The following DMD variants were observed in gnomAD, a reference collection of about 807,000 sequenced individuals.
DMD encodes dystrophin, also known as mutant dystrophin.
Under a neutral mutation model 330.1 loss-of-function variants are expected in DMD, and 63 were observed. The observed-to-expected ratio is 0.19, with a 90% CI of 0.16 to 0.24. DMD has a LOEUF of 0.24. DMD is among the 10% of genes least tolerant of loss of function. The pLI, the probability that DMD is intolerant of heterozygous loss-of-function variation, is 1.00. For synonymous variants in DMD, 1,223 were observed against 959.8 expected (o/e 1.27, Z -5.07); for missense variants, 3,344 against 2,684.1 (o/e 1.25, Z -5.43).
chrX:32,364,994 T>C (rs375483308), intron 35 of DMD, 26 bp downstream of exon 35: 53 of 1,203,684 alleles, frequency 4.4e-5, no homozygotes, highest in Non-Finnish European at 5.7e-5. Context: ...GAGAAGGGTG[T>C]AAAAGCTTCT....
intron 60 of DMD, among the ~76,000 whole-genome samples, chrX:31,433,762 T>C (rs1214616464): frequency 3.6e-5 from 4 of 111,863 alleles, no homozygotes. Flanking sequence ...CCCGGTCATT[T>C]TTTTCTTGGA....
chrX:33,076,904 A>C (rs1376657799), intron 1 of DMD, among the ~76,000 whole-genome samples: 1 of 111,288 alleles, frequency 9.0e-6, no homozygotes, highest in Non-Finnish European at 1.9e-5. Context: ...GCATTCGGGG[A>C]GCAGAGTTTT....
chrX:32,979,483 T>C (rs5972724), intron 2 of DMD, among the ~76,000 whole-genome samples: 2,596 of 111,465 alleles, frequency 0.023, 63 homozygotes, highest in African/African-American at 0.078. Flanking sequence ...CAAAATTCCA[T>C]TGGAATGACG....
At chrX:32,279,637 G>C (rs1242315737) in intron 43 of DMD, among the ~76,000 whole-genome samples, 2 of 101,024 alleles carry the variant, frequency 2.0e-5, no homozygotes. Context: ...GGAGATAGAG[G>C]GTGGAAGGAT....
intron 61 of DMD, among the ~76,000 whole-genome samples, chrX:31,338,167 A>T (rs1186708761): frequency 3.7e-5 from 4 of 109,269 alleles, no homozygotes; most frequent in African/African-American, 1.3e-4. Flanking sequence ...CACACGGGAA[A>T]ATAAAAGCCC....
chrX:32,098,139 T>C (rs1461257314), intron 44 of DMD, among the ~76,000 whole-genome samples: 2 of 111,919 alleles, frequency 1.8e-5, no homozygotes, highest in Non-Finnish European at 1.9e-5. Context: ...TATATGTACG[T>C]AGGTACACAT....
intron 1 of DMD, among the ~76,000 whole-genome samples, chrX:33,201,220 C>T (rs1189917352): frequency 1.8e-5 from 2 of 111,103 alleles, no homozygotes; most frequent in South Asian, 3.8e-4. Flanking sequence ...CATGAGCCAC[C>T]GCGACCAGCC....
At chrX:33,009,028 A>C (rs775791636) in intron 2 of DMD, among the ~76,000 whole-genome samples, 1 of 98,717 alleles carries the variant, frequency 1.0e-5, no homozygotes, top group East Asian at 3.3e-4. Flanking sequence ...GTATATATAC[A>C]CATGTGTGTA....
chrX:32,200,362 A>G (rs1015919437), intron 44 of DMD, among the ~76,000 whole-genome samples: 1 of 112,094 alleles, frequency 8.9e-6, no homozygotes, highest in Non-Finnish European at 1.9e-5. Context: ...ATAACAAAAT[A>G]CGTAATTTGT....
chrX:31,180,640 T>TTTA lies in DMD; in HGVS notation c.9975-160_9975-159insTAA, dbSNP rs777425999. ...GATTAACTTTCTGCCTCCAGATTTT[T>TTTA]CCGGTGCCTCTCCTACAGTACCAAA... On this transcript the variant is annotated intron_variant, in intron 68 of 78. Coordinates refer to ENST00000357033, the MANE Select transcript of DMD (RefSeq NM_004006.3). 4.3e-3 allele frequency among the ~76,000 whole-genome samples: 478 copies of TTTA among 111,955 alleles called. 1 individual carries two copies. The highest frequency in any genetic ancestry group is 0.015 in the African/African-American group (453 of 30,809).
intron 2 of DMD, among the ~76,000 whole-genome samples, chrX:32,880,665 C>A (rs2083847073): frequency 8.9e-6 from 1 of 112,970 alleles, no homozygotes; most frequent in Non-Finnish European, 1.9e-5. Context: ...GATTTCTGGG[C>A]TAGGCGCAGT....
At chrX:33,121,139 T>A (rs769012374) in intron 1 of DMD, among the ~76,000 whole-genome samples, 2 of 110,951 alleles carry the variant, frequency 1.8e-5, no homozygotes, top group East Asian at 5.7e-4. Context: ...TTGCCATTTA[T>A]CAATATGTAC....
At chrX:32,320,982 T>C (rs2097610660) in intron 41 of DMD, among the ~76,000 whole-genome samples, 1 of 112,018 alleles carries the variant, frequency 8.9e-6, no homozygotes, top group Non-Finnish European at 1.9e-5. Context: ...ACTGAATTGC[T>C]AATACACTGT....
At chrX:31,140,934 T>C (rs1460277751) in intron 76 of DMD, among the ~76,000 whole-genome samples, 1 of 111,729 alleles carries the variant, frequency 9.0e-6, no homozygotes, top group African/African-American at 3.3e-5. Flanking sequence ...CTCATGCCTT[T>C]AATCCCAGCA....
chrX:31,409,837 T>C (rs1301252016), intron 60 of DMD, among the ~76,000 whole-genome samples: 3 of 80,590 alleles, frequency 3.7e-5, no homozygotes, highest in Non-Finnish European at 6.6e-5. Flanking sequence ...TTTTTTGAGA[T>C]AGATAGAGTC....
At chrX:32,751,198 G>A (rs1224050812) in intron 7 of DMD, among the ~76,000 whole-genome samples, 3 of 111,543 alleles carry the variant, frequency 2.7e-5, no homozygotes, top group African/African-American at 9.8e-5. Context: ...AACAGGCAGA[G>A]GTTGCAACAG....
At chrX:32,670,472 C>T (rs914820289) in intron 9 of DMD, among the ~76,000 whole-genome samples, 5 of 111,620 alleles carry the variant, frequency 4.5e-5, no homozygotes, top group African/African-American at 1.6e-4. Context: ...GCACAAGGAC[C>T]CTTCAGTAAG....
At chrX:32,236,862 A>T (rs1046567882) in intron 43 of DMD, among the ~76,000 whole-genome samples, 4 of 112,425 alleles carry the variant, frequency 3.6e-5, no homozygotes, top group Non-Finnish European at 5.6e-5. Flanking sequence ...TGACATACAG[A>T]TGTTCTGTGA....
At chrX:32,249,401 T>A (rs1345461747) in intron 43 of DMD, among the ~76,000 whole-genome samples, 1 of 111,766 alleles carries the variant, frequency 8.9e-6, no homozygotes, top group African/African-American at 3.2e-5. Context: ...GGTCTCCCAT[T>A]TGTTTGGTGA....
Sources: allele counts gnomAD v4.1 joint callset (sites outside exome capture counted in the v4.1 genomes callset), GRCh38; gene constraint gnomAD v4.1.1; transcripts MANE v1.5; gene names NCBI Gene and HGNC (gene_info 2026-07-23, HGNC 2026-07-21).